LIMA1: variants seen among roughly 807,000 people sequenced by gnomAD.
LIMA1 encodes LIM domain and actin binding 1.
LIMA1 carries 52 observed loss-of-function variants against 62.6 expected under a neutral mutation model. The observed-to-expected ratio is 0.83, with a 90% CI of 0.67 to 1.05. The LOEUF is 1.05. LIMA1 is among the 50% of genes least tolerant of loss of function. The pLI is 0.00. For synonymous variants in LIMA1, 302 were observed against 317.8 expected (o/e 0.95, Z 0.53); for missense variants, 780 against 902.2 (o/e 0.86, Z 1.74).
chr12:50,233,454 T>A (rs769296869), intron 2 of LIMA1, among the ~76,000 whole-genome samples: 3 of 152,232 alleles, frequency 2.0e-5, no homozygotes, highest in Non-Finnish European at 4.4e-5. Flanking sequence ...ACATTGCCTG[T>A]ACATGTTGAA....
At position 50,177,882 on chromosome 12, in the gene LIMA1, G is replaced by A. The variant is rs1487567181; in HGVS notation, c.1462C>T (p.Pro488Ser). ...GCATCTTCTACCCCTGGGCTGTGAG[G>A]GGTCTCCCTTGCATTTGCAAGCTGG... Reference protein sequence around the residue: ...PAQLANARETPHSPGVEDAPI... With the variant: ...PAQLANARETSHSPGVEDAPI... The change falls in exon 11 of 11, where the codon CCT (proline) becomes TCT (serine). Residue 488 changes from proline to serine, a missense_variant. By Grantham distance (74) the Pro-to-Ser change is moderately conservative. Coordinates refer to ENST00000341247, the MANE Select transcript of LIMA1 (RefSeq NM_016357.5). The A allele has an allele frequency of 1.2e-6, 2 of 1,613,428 alleles. No homozygotes were observed. The highest frequency in any genetic ancestry group is 1.3e-5 in the African/African-American group (1 of 74,968).
At chr12:50,188,794 C>G (rs184653567) in intron 9 of LIMA1, 1 of 152,360 alleles carries the variant, frequency 6.6e-6, no homozygotes, top group African/African-American at 2.4e-5. Flanking sequence ...TCTGGCCAAG[C>G]AGTTGAACGA....
chr12:50,208,494 C>A lies in LIMA1; in HGVS notation c.631-2426G>T, dbSNP rs114276475. Among the ~76,000 whole-genome samples the A allele has an allele frequency of 7.7e-3, 1,165 of 150,898 alleles. 11 individuals are homozygous for A. Among genetic ancestry groups the A allele is most frequent in the African/African-American group, 0.027 (1,114 of 41,158 alleles). On this transcript the variant is annotated intron_variant, in intron 4 of 10. Coordinates refer to ENST00000341247, the MANE Select transcript of LIMA1 (RefSeq NM_016357.5). ...AAGCAAGACTCCGTCTCAAAAAAAA[C>A]CAAAAGTTAGCTGGGCATTATGGCA...
chr12:50,263,859 A>AGAG (rs1565863068), intron 1 of LIMA1, among the ~76,000 whole-genome samples: 3,738 of 74,850 alleles, frequency 0.05, 201 homozygotes, highest in African/African-American at 0.15. Flanking sequence ...TATAGAGAGT[A>AGAG]TATATATATA....
intron 8 of LIMA1, chr12:50,195,574 G>T: frequency 2.9e-6 from 1 of 341,236 alleles, no homozygotes; most frequent in Non-Finnish European, 5.2e-6. Context: ...AAAGGGTTTG[G>T]TGCAAAAAGT....
intron 10 of LIMA1, among the ~76,000 whole-genome samples, chr12:50,179,364 T>A (rs1940436813): frequency 6.6e-6 from 1 of 151,872 alleles, no homozygotes; most frequent in African/African-American, 2.4e-5. Context: ...ATAGTCTCGA[T>A]CTCTTGACCT....
intron 10 of LIMA1, among the ~76,000 whole-genome samples, chr12:50,179,199 T>A (rs956231725): frequency 6.6e-6 from 1 of 151,964 alleles, no homozygotes; most frequent in African/African-American, 2.4e-5. Context: ...TGGAGTGCAG[T>A]GGCATGATCT....
chr12:50,234,266 T>G lies in LIMA1; in HGVS notation c.120-2556A>C, dbSNP rs546925373. 21 of 367,578 alleles carry G rather than the reference T, an allele frequency of 5.7e-5. 1 individual carries two copies. The highest frequency in any genetic ancestry group is 4.5e-4 in the South Asian group (21 of 47,118). 22.8% of individuals were successfully genotyped at this position (367,578 alleles called of 1,614,324 possible). A position where few individuals can be genotyped will look rare whatever the true frequency, so the allele number is the denominator to read the frequency against. On this transcript the variant is annotated intron_variant, in intron 2 of 10. Coordinates refer to ENST00000341247, the MANE Select transcript of LIMA1 (RefSeq NM_016357.5). ...CTCTGTTGCCCAGGCTGGAGTGCAG[T>G]GGCACGATCTCAGCTAGCTGCAACC...
chr12:50,195,326 G>A (rs1270676117), intron 8 of LIMA1, among the ~76,000 whole-genome samples: 1 of 152,138 alleles, frequency 6.6e-6, no homozygotes, highest in Admixed American at 6.6e-5. Flanking sequence ...TCCAAAATAG[G>A]ATGACAGGTG....
intron 4 of LIMA1, among the ~76,000 whole-genome samples, chr12:50,217,493 CTTTTT>C (rs76180466): frequency 7.0e-6 from 1 of 142,534 alleles, no homozygotes; most frequent in Admixed American, 7.1e-5. Flanking sequence ...GAAGTAAAAT[CTTTTT>C]TTTTTTTTTA....
At chr12:50,179,242 A>G (rs1156731304) in intron 10 of LIMA1, among the ~76,000 whole-genome samples, 1 of 150,578 alleles carries the variant, frequency 6.6e-6, no homozygotes, top group East Asian at 2.0e-4. Flanking sequence ...CCTGGGTTCA[A>G]GCGATTCTCC....
At chr12:50,198,884 A>G (rs569978678) in intron 7 of LIMA1, among the ~76,000 whole-genome samples, 2 of 152,308 alleles carry the variant, frequency 1.3e-5, no homozygotes, top group African/African-American at 4.8e-5. Flanking sequence ...TAACACACAA[A>G]TATGATTTGC....
intron 7 of LIMA1, among the ~76,000 whole-genome samples, chr12:50,199,698 A>G (rs1941003910): frequency 2.0e-5 from 3 of 152,224 alleles, no homozygotes; most frequent in Admixed American, 2.0e-4. Context: ...CTTACTTAGC[A>G]TAGTGACTGC....
intron 2 of LIMA1, among the ~76,000 whole-genome samples, chr12:50,242,717 C>A (rs1941795016): frequency 6.6e-6 from 1 of 152,114 alleles, no homozygotes; most frequent in Admixed American, 6.6e-5. Context: ...AGCTGCAGAA[C>A]CCTCTCTTCA....
At chr12:50,275,035 T>A (rs1942259495) in intron 1 of LIMA1, among the ~76,000 whole-genome samples, 1 of 152,174 alleles carries the variant, frequency 6.6e-6, no homozygotes, top group African/African-American at 2.4e-5. Context: ...AAAGTGTGTT[T>A]GCAAGATCAG....
intron 2 of LIMA1, among the ~76,000 whole-genome samples, chr12:50,240,014 A>G (rs969359491): frequency 1.4e-5 from 2 of 140,848 alleles, no homozygotes; most frequent in African/African-American, 2.7e-5. Context: ...AACATAACAT[A>G]ACATAACATA....
intron 1 of LIMA1, among the ~76,000 whole-genome samples, chr12:50,271,061 C>T (rs1002868667): frequency 6.6e-6 from 1 of 152,166 alleles, no homozygotes; most frequent in African/African-American, 2.4e-5. Flanking sequence ...CACTGCACTC[C>T]AGCCTGGGCG....
chr12:50,192,174 A>T (rs71465000), intron 9 of LIMA1, among the ~76,000 whole-genome samples: 1 of 151,778 alleles, frequency 6.6e-6, no homozygotes, highest in South Asian at 2.1e-4. Flanking sequence ...ATAAACAAAA[A>T]CAAAAATAAA....
intron 4 of LIMA1, among the ~76,000 whole-genome samples, chr12:50,209,313 T>C (rs1941210614): frequency 6.6e-6 from 1 of 150,416 alleles, no homozygotes; most frequent in Non-Finnish European, 1.5e-5. Flanking sequence ...CTCACACCTG[T>C]AATCCCAGCA....
Sources: gnomAD v4.1 joint callset for allele counts (sites outside exome capture counted in the v4.1 genomes callset) on GRCh38, gnomAD v4.1.1 for gene constraint, MANE v1.5 for transcripts, NCBI Gene and HGNC (gene_info 2026-07-23, HGNC 2026-07-21) for gene names.